SLC22A23: variants seen among roughly 807,000 people sequenced by gnomAD.
SLC22A23 encodes solute carrier family 22 member 23, also known as ion transporter protein.
SLC22A23 carries 26 observed loss-of-function variants against 61.0 expected under a neutral mutation model. That is an observed-to-expected ratio of 0.43 (90% CI 0.31 to 0.59). The LOEUF (loss-of-function observed/expected upper bound fraction) is 0.59, where lower values mean the gene tolerates loss of function less well. SLC22A23 is among the 20% of genes least tolerant of loss of function. SLC22A23 has a pLI of 0.11. For synonymous variants in SLC22A23, 430 were observed against 413.9 expected, an observed-to-expected ratio of 1.04 and a Z score of -0.47; for missense variants, 796 against 934.7, an observed-to-expected ratio of 0.85 and a Z score of 1.94.
intron 4 of SLC22A23, chr6:3,303,091 A>T (rs1210673595): frequency 6.6e-6 from 1 of 152,220 alleles, no homozygotes; most frequent in Non-Finnish European, 1.5e-5. Flanking sequence ...TGGCCAACAA[A>T]CATATATTAA....
Position 3,323,962 on chromosome 6 carries a change from C to T in SLC22A23, c.954G>A (p.Thr318=), listed in dbSNP as rs1216769041. ...LCPPGKRFMI[T]MVASFVAMAG... ...CCATGGCCACGAAGCTCGCCACCATCGTAATCATGAACCGTTTTCCAGGGG... is the reference window on the plus strand; with the variant it reads ...CCATGGCCACGAAGCTCGCCACCATTGTAATCATGAACCGTTTTCCAGGGG... Residue 318 remains threonine (T), a synonymous_variant, in exon 4 of 10, where the codon ACG becomes ACA. Transcript: ENST00000406686. 3.1e-6 allele frequency: 5 copies of T among 1,614,234 alleles called. No individual in the cohort carries two copies. The highest frequency in any genetic ancestry group is 4.2e-6 in the Non-Finnish European group (5 of 1,180,048).
intron 3 of SLC22A23, among the ~76,000 whole-genome samples, chr6:3,341,219 C>T (rs1764134815): frequency 6.6e-6 from 1 of 152,202 alleles, no homozygotes. Context: ...TCAGAAAGCC[C>T]TCCCTCCGAT....
At position 3,272,991 on chromosome 6, in the gene SLC22A23, C is replaced by A. The variant is rs1174842561; in HGVS notation, c.*64G>T. 2 of 1,422,208 alleles carry A rather than the reference C, an allele frequency of 1.4e-6. No individual in the cohort carries two copies. Among genetic ancestry groups the A allele is most frequent in the African/African-American group, 2.9e-5 (2 of 69,866 alleles). 88.1% of individuals were successfully genotyped at this position (1,422,208 alleles called of 1,614,324 possible). On this transcript the variant is annotated 3_prime_UTR_variant, in exon 10 of 10. Coordinates refer to ENST00000406686, the MANE Select transcript of SLC22A23 (RefSeq NM_015482.2). ...CCCACCCCTGGCTGCGTGTTCGGTCCCTGGTCTGTAAACCTGTGCCCAAGC... is the reference window on the plus strand; with the variant it reads ...CCCACCCCTGGCTGCGTGTTCGGTCACTGGTCTGTAAACCTGTGCCCAAGC...
At chr6:3,424,600 T>G (rs1444044236) in intron 1 of SLC22A23, among the ~76,000 whole-genome samples, 1 of 152,260 alleles carries the variant, frequency 6.6e-6, no homozygotes, top group Non-Finnish European at 1.5e-5. Flanking sequence ...GTACTCATGA[T>G]AAAACACGTA....
Position 3,456,502 on chromosome 6 carries a change from G to A in SLC22A23, c.58C>T (p.Pro20Ser). Residue 20 changes from proline to serine, a missense_variant, in exon 1 of 10, where the codon CCG becomes TCG. By Grantham distance (74) the Pro-to-Ser change is moderately conservative. Coordinates refer to ENST00000406686, the MANE Select transcript of SLC22A23 (RefSeq NM_015482.2). This position sits in a 1 kb window ranked among gnomAD's most constrained non-coding sequence, Gnocchi z 7.1. ...AGGGPGRQPA[P>S]AEENGSLPPG... is the part of the protein sequence containing the mutation. ...GGCAGGGAGCCGTTCTCCTCGGCCG[G>A]GGCCGGCTGCCGCCCAGGCCCGCCG... 1 of 1,059,542 alleles carries A rather than the reference G, an allele frequency of 9.4e-7. No individual in the cohort carries two copies. The highest frequency in any genetic ancestry group is 1.1e-6 in the Non-Finnish European group (1 of 879,902). 65.6% of individuals were successfully genotyped at this position (1,059,542 alleles called of 1,614,324 possible). A position where few individuals can be genotyped will look rare whatever the true frequency, so the allele number is the denominator to read the frequency against.
intron 3 of SLC22A23, among the ~76,000 whole-genome samples, chr6:3,381,805 G>A (rs1766971979): frequency 2.0e-5 from 3 of 152,104 alleles, no homozygotes; most frequent in African/African-American, 7.2e-5. Context: ...CATCCTCTTG[G>A]CCTCCCTCAG....
chr6:3,273,450 G>T, intron 9 of SLC22A23, 38 bp from the exon 10 acceptor site: 1 of 1,602,324 alleles, frequency 6.2e-7, no homozygotes, highest in South Asian at 1.1e-5. Context: ...GCTGCTGTGG[G>T]CTAGCGGGCT....
At chr6:3,409,239 G>T (rs1769042558) in intron 3 of SLC22A23, among the ~76,000 whole-genome samples, 1 of 152,174 alleles carries the variant, frequency 6.6e-6, no homozygotes, top group African/African-American at 2.4e-5. Context: ...GCCAACTACG[G>T]ATCTAGAAGA....
intron 1 of SLC22A23, among the ~76,000 whole-genome samples, chr6:3,442,638 C>T (rs952725879): frequency 1.3e-5 from 2 of 152,048 alleles, no homozygotes; most frequent in African/African-American, 4.8e-5. Flanking sequence ...GTGCAAATTA[C>T]GATGCTAAGT....
At chr6:3,429,612 T>C (rs962373196) in intron 1 of SLC22A23, among the ~76,000 whole-genome samples, 3 of 152,192 alleles carry the variant, frequency 2.0e-5, no homozygotes, top group Non-Finnish European at 2.9e-5. Flanking sequence ...CCCATGTTCA[T>C]AGCAGCCCTA....
chr6:3,417,260 A>C (rs1468528366), intron 1 of SLC22A23, among the ~76,000 whole-genome samples: 2 of 152,080 alleles, frequency 1.3e-5, no homozygotes, highest in African/African-American at 4.8e-5. Flanking sequence ...CGATGCCCCC[A>C]ACACAGGTAT....
intron 3 of SLC22A23, among the ~76,000 whole-genome samples, chr6:3,367,162 C>CA (rs1432332477): frequency 1.3e-5 from 2 of 152,192 alleles, no homozygotes; most frequent in East Asian, 3.8e-4. Flanking sequence ...TTCCCTGGAG[C>CA]TTTCTGCTTC....
In SLC22A23 at chr6:3,318,571, C is replaced by A. The variant is rs1248770027; in HGVS notation, c.1082+5263G>T. 6.6e-6 allele frequency among the ~76,000 whole-genome samples: 1 copy of A among 152,172 alleles called. No individual in the cohort carries two copies. The highest frequency in any genetic ancestry group is 1.5e-5 in the Non-Finnish European group (1 of 68,018). ...CTCCCTGTGTGCCTCCTGGCCCACC[C>A]CAGTGCTTCCCAGGAGGCCCTGTGT... On this transcript the variant is annotated intron_variant, in intron 4 of 9. Coordinates refer to ENST00000406686, the MANE Select transcript of SLC22A23 (RefSeq NM_015482.2). This position sits in a 1 kb window ranked among gnomAD's most constrained non-coding sequence, Gnocchi z 4.3.
At chr6:3,294,416 G>A (rs1349443186) in intron 5 of SLC22A23, among the ~76,000 whole-genome samples, 9 of 152,090 alleles carry the variant, frequency 5.9e-5, no homozygotes, top group Non-Finnish European at 1.0e-4. Context: ...ATTCAGATTT[G>A]GGATTTTTGG....
At chr6:3,449,038 T>A (rs1344419239) in intron 1 of SLC22A23, among the ~76,000 whole-genome samples, 1 of 152,220 alleles carries the variant, frequency 6.6e-6, no homozygotes, top group African/African-American at 2.4e-5. Context: ...TAGCCTCTAA[T>A]CCTTACATTA....
chr6:3,279,393 C>A (rs1409226718), intron 9 of SLC22A23, among the ~76,000 whole-genome samples: 2 of 151,206 alleles, frequency 1.3e-5, no homozygotes, highest in Non-Finnish European at 2.9e-5. Flanking sequence ...TGCACGTAAT[C>A]CCAGCTGCTT....
intron 4 of SLC22A23, among the ~76,000 whole-genome samples, chr6:3,305,624 C>T (rs1254212172): frequency 6.6e-6 from 1 of 152,112 alleles, no homozygotes; most frequent in Non-Finnish European, 1.5e-5. Context: ...AATAACGCCA[C>T]ACAAATTAAA....
chr6:3,402,898 T>C (rs1336791163), intron 3 of SLC22A23, among the ~76,000 whole-genome samples: 3 of 152,248 alleles, frequency 2.0e-5, no homozygotes, highest in South Asian at 2.1e-4. Context: ...CACATGTTCA[T>C]GGAGCAAATG....
chr6:3,275,473 C>A (rs540668375), intron 9 of SLC22A23, among the ~76,000 whole-genome samples: 1 of 152,222 alleles, frequency 6.6e-6, no homozygotes, highest in Admixed American at 6.5e-5. Flanking sequence ...AATTGGACTT[C>A]ATTAGGATTA....
Sources: allele counts gnomAD v4.1 joint callset (sites outside exome capture counted in the v4.1 genomes callset), GRCh38; gene constraint gnomAD v4.1.1; non-coding constraint Gnocchi (gnomAD v3.1); transcripts MANE v1.5; gene names NCBI Gene and HGNC (gene_info 2026-07-23, HGNC 2026-07-21).